The following COL23A1 variants were observed in gnomAD, a reference collection of about 807,000 sequenced individuals.
COL23A1 encodes the protein collagen alpha-1(XXIII) chain.
Under a neutral mutation model 99.3 loss-of-function variants are expected in COL23A1, and 97 were observed. The ratio of observed to expected loss-of-function variants is 0.98; its 90% confidence interval spans 0.83 to 1.16. The LOEUF is 1.16. COL23A1 is among the 50% of genes most tolerant of loss of function. The pLI is 0.00. For missense variants in COL23A1, 762 were observed against 757.4 expected (o/e 1.01, Z -0.07); for synonymous variants, 320 against 308.2 (o/e 1.04, Z -0.40).
intron 2 of COL23A1, among the ~76,000 whole-genome samples, chr5:178,487,354 T>C (rs1757694304): frequency 1.3e-5 from 2 of 151,568 alleles, no homozygotes; most frequent in African/African-American, 4.8e-5. Context: ...AGTTTCGCTC[T>C]TGTTGCCCAG....
At chr5:178,436,647 G>A (rs891768125) in intron 2 of COL23A1, among the ~76,000 whole-genome samples, 11 of 152,198 alleles carry the variant, frequency 7.2e-5, no homozygotes, top group African/African-American at 1.7e-4. Context: ...CCTGTGCAGC[G>A]GTGGTGACCA....
Position 178,589,798 on chromosome 5 carries a change from G to A in COL23A1, c.294+106C>T. 1.8e-6 allele frequency: 2 copies of A among 1,090,322 alleles called. No homozygotes were observed. Among genetic ancestry groups the A allele is most frequent in the Non-Finnish European group, 2.3e-6 (2 of 863,642 alleles). 67.5% of individuals were successfully genotyped at this position (1,090,322 alleles called of 1,614,324 possible). On this transcript the variant is annotated intron_variant, in intron 1 of 28. Transcript: ENST00000390654. This position sits in a 1 kb window ranked among gnomAD's most constrained non-coding sequence, Gnocchi z 5.4. ...GGCCCCGAGCGCACGCAGCCGGCGGGCGACCCTCCTCCCAGAGACCTGCAC... is the reference window on the plus strand; with the variant it reads ...GGCCCCGAGCGCACGCAGCCGGCGGACGACCCTCCTCCCAGAGACCTGCAC...
chr5:178,450,190 G>T (rs1027969604), intron 2 of COL23A1, among the ~76,000 whole-genome samples: 5 of 152,186 alleles, frequency 3.3e-5, no homozygotes, highest in Non-Finnish European at 5.9e-5. Context: ...GTGGCCACCT[G>T]GTGTAGGTGA....
rs1765257263 is a variant in COL23A1 at position 178,255,558 on chromosome 5, G to A, written c.883-532C>T. 6.6e-6 allele frequency among the ~76,000 whole-genome samples: 1 copy of A among 152,072 alleles called. No homozygotes were observed. Among genetic ancestry groups the A allele is most frequent in the African/African-American group, 2.4e-5 (1 of 41,406 alleles). On this transcript the variant is annotated intron_variant, in intron 15 of 28. Coordinates refer to ENST00000390654, the MANE Select transcript of COL23A1 (RefSeq NM_173465.4). The surrounding 1 kb of genome is among the most constrained non-coding windows in gnomAD (Gnocchi z 4.2). Reference sequence around the variant, plus strand: ...ACTCACACGTGCACGCATGGCTGCTGGCCAGCCCTTCCCTTGTGAACCTCA... The same window carrying A: ...ACTCACACGTGCACGCATGGCTGCTAGCCAGCCCTTCCCTTGTGAACCTCA...
intron 2 of COL23A1, among the ~76,000 whole-genome samples, chr5:178,459,405 C>G (rs1403249087): frequency 1.3e-5 from 2 of 152,100 alleles, no homozygotes; most frequent in Admixed American, 1.3e-4. Flanking sequence ...TTGCAGAAAC[C>G]AGGTGACTGG....
chr5:178,390,864 G>C (rs1561930883), intron 2 of COL23A1, among the ~76,000 whole-genome samples: 1 of 152,202 alleles, frequency 6.6e-6, no homozygotes, highest in Non-Finnish European at 1.5e-5. Flanking sequence ...TCATGATCTT[G>C]GTATTAGGCA....
chr5:178,417,712 C>G (rs542658562), intron 2 of COL23A1, among the ~76,000 whole-genome samples: 1 of 152,354 alleles, frequency 6.6e-6, no homozygotes, highest in African/African-American at 2.4e-5. Flanking sequence ...GCCTCCCTCA[C>G]CTTGCTGCCC....
At chr5:178,579,060 C>T (rs1015057725) in intron 1 of COL23A1, among the ~76,000 whole-genome samples, 1 of 152,228 alleles carries the variant, frequency 6.6e-6, no homozygotes, top group Non-Finnish European at 1.5e-5. Flanking sequence ...TCACATTTCT[C>T]TGCTCCTTGA....
chr5:178,491,050 GGA>G (rs911391267), intron 2 of COL23A1, among the ~76,000 whole-genome samples: 3 of 151,518 alleles, frequency 2.0e-5, no homozygotes. Context: ...AGAAGAGAGA[GGA>G]GAGAGAGAGA....
At chr5:178,262,729 C>G (rs1290014588) in intron 9 of COL23A1, among the ~76,000 whole-genome samples, 1 of 152,078 alleles carries the variant, frequency 6.6e-6, no homozygotes, top group Non-Finnish European at 1.5e-5. Flanking sequence ...GACAGTGTCC[C>G]CAGAAGGGTC....
rs964707540 is a variant in COL23A1 at position 178,384,723 on chromosome 5, C to T, written c.362-77804G>A. 5.9e-5 allele frequency among the ~76,000 whole-genome samples: 9 copies of T among 152,192 alleles called. No homozygotes were observed. The highest frequency in any genetic ancestry group is 1.9e-4 in the East Asian group (1 of 5,180). On this transcript the variant is annotated intron_variant, in intron 2 of 28. Transcript: ENST00000390654. The surrounding 1 kb of genome is among the most constrained non-coding windows in gnomAD (Gnocchi z 5.5). ...GCCTCACCCACTGAATCAGAGTGCG[C>T]GCTCACAGGGTGCACATATAACAGC...
At chr5:178,370,890 C>T (rs1386688734) in intron 2 of COL23A1, among the ~76,000 whole-genome samples, 2 of 152,088 alleles carry the variant, frequency 1.3e-5, no homozygotes, top group African/African-American at 4.8e-5. Context: ...TGCAGTGAGC[C>T]GTGATCACAT....
At chr5:178,503,926 CTG>C (rs1462534810) in intron 2 of COL23A1, among the ~76,000 whole-genome samples, 4 of 152,216 alleles carry the variant, frequency 2.6e-5, no homozygotes, top group Non-Finnish European at 4.4e-5. Flanking sequence ...GGCTTCCCTG[CTG>C]TGTGTCTCTC....
At chr5:178,528,086 C>T (rs527631936) in intron 2 of COL23A1, among the ~76,000 whole-genome samples, 4 of 152,286 alleles carry the variant, frequency 2.6e-5, no homozygotes, top group Admixed American at 6.5e-5. Flanking sequence ...ACCTCAGATG[C>T]GGTTCCTGCT....
At chr5:178,588,036 G>A (rs920567243) in intron 1 of COL23A1, among the ~76,000 whole-genome samples, 4 of 152,208 alleles carry the variant, frequency 2.6e-5, no homozygotes, top group African/African-American at 2.4e-5. Context: ...TGGGATTAGC[G>A]AGCAGGACCA....
At chr5:178,271,870 G>A (rs144557784) in intron 5 of COL23A1, among the ~76,000 whole-genome samples, 1 of 152,294 alleles carries the variant, frequency 6.6e-6, no homozygotes, top group East Asian at 1.9e-4. Flanking sequence ...CGGGATGGGG[G>A]ACCCTGTAGG....
chr5:178,274,583 G>C (rs1242811073), intron 5 of COL23A1, among the ~76,000 whole-genome samples: 1 of 151,778 alleles, frequency 6.6e-6, no homozygotes, highest in Non-Finnish European at 1.5e-5. Flanking sequence ...GGTGTGGGGG[G>C]GGTCTCCCCT....
chr5:178,571,588 T>C (rs1272412649), intron 1 of COL23A1, among the ~76,000 whole-genome samples: 1 of 131,370 alleles, frequency 7.6e-6, no homozygotes, highest in Non-Finnish European at 1.6e-5. Flanking sequence ...AAAGTCATCA[T>C]GTCTGGCAGA....
At chr5:178,295,896 T>C (rs1757716089) in intron 3 of COL23A1, among the ~76,000 whole-genome samples, 1 of 152,216 alleles carries the variant, frequency 6.6e-6, no homozygotes, top group African/African-American at 2.4e-5. Flanking sequence ...AGACTTTTGT[T>C]TGTATAAACA....
Sources: gnomAD v4.1 joint callset for allele counts (sites outside exome capture counted in the v4.1 genomes callset) on GRCh38, gnomAD v4.1.1 for gene constraint, Gnocchi (gnomAD v3.1) non-coding constraint, MANE v1.5 for transcripts, NCBI Gene and HGNC (gene_info 2026-07-23, HGNC 2026-07-21) for gene names.